The following KATNIP variants were observed in gnomAD, a reference collection of about 807,000 sequenced individuals.
The protein encoded by KATNIP is katanin-interacting protein.
In KATNIP, 126 loss-of-function variants were observed where a neutral mutation model predicts 174.0. The observed-to-expected ratio is 0.72, with a 90% CI of 0.63 to 0.84. The LOEUF is 0.84. Ranked by LOEUF, KATNIP falls within the 40% of genes least tolerant of loss-of-function variation. The pLI is 0.00. For synonymous variants in KATNIP, 810 were observed against 835.7 expected (o/e 0.97, Z 0.53); for missense variants, 1,958 against 2,109.7 (o/e 0.93, Z 1.41).
intron 2 of KATNIP, among the ~76,000 whole-genome samples, chr16:27,614,190 GA>G (rs1250693512): frequency 2.4e-4 from 36 of 151,908 alleles, no homozygotes; most frequent in Non-Finnish European, 8.8e-5. Flanking sequence ...CGATTCTCCT[GA>G]GTCTTGCTCT....
At chr16:27,664,344 A>G (rs905138725) in intron 6 of KATNIP, among the ~76,000 whole-genome samples, 3 of 152,208 alleles carry the variant, frequency 2.0e-5, no homozygotes, top group African/African-American at 7.2e-5. Context: ...TTTCAAAAGA[A>G]TAATCATTCT....
rs573914753 is a variant in KATNIP at position 27,681,521 on chromosome 16, A to T, written c.931A>T (p.Met311Leu). The T allele has an allele frequency of 3.2e-5, 51 of 1,614,030 alleles. No individual in the cohort carries two copies. The highest frequency in any genetic ancestry group is 4.4e-5 in the South Asian group (4 of 91,084). ...TGCTGTATTCCCAGACCAGGAGAGG[A>T]TGTGCTCCAGTAAGAGTTCCGGGGG... ...APAVFPDQER[M>L]CSRPGSRRER... Residue 311 changes from methionine (M) to leucine (L), a missense_variant, in exon 8 of 28, where the codon ATG (methionine) becomes TTG (leucine). By Grantham distance (15) the Met-to-Leu change is conservative. Coordinates refer to ENST00000261588, the MANE Select transcript of KATNIP (RefSeq NM_015202.5).
chr16:27,736,960 A>C (rs2080920786), intron 14 of KATNIP, among the ~76,000 whole-genome samples: 1 of 150,910 alleles, frequency 6.6e-6, no homozygotes, highest in Non-Finnish European at 1.5e-5. Context: ...GTGCCCACAT[A>C]CTGGATATGA....
At chr16:27,714,124 A>C (rs1163204579) in intron 13 of KATNIP, among the ~76,000 whole-genome samples, 1 of 151,840 alleles carries the variant, frequency 6.6e-6, no homozygotes, top group East Asian at 1.9e-4. Flanking sequence ...CTCCACATTC[A>C]GATTTCAGCC....
chr16:27,625,913 G>A (rs1382566788), intron 3 of KATNIP, among the ~76,000 whole-genome samples: 2 of 150,824 alleles, frequency 1.3e-5, no homozygotes, highest in African/African-American at 4.9e-5. Context: ...GCAGTGGCAT[G>A]ATCATGTCTC....
chr16:27,573,824 A>G (rs2090390300), intron 1 of KATNIP, 77 bp from the exon 2 acceptor site: 1 of 1,366,046 alleles, frequency 7.3e-7, no homozygotes. Context: ...TCAGTTTGCA[A>G]ATAAAAATCT....
At chr16:27,713,434 T>C (rs1266194761) in intron 13 of KATNIP, among the ~76,000 whole-genome samples, 1 of 151,942 alleles carries the variant, frequency 6.6e-6, no homozygotes, top group Non-Finnish European at 1.5e-5. Context: ...CAAGTGGAGA[T>C]AATTGAATCA....
At chr16:27,681,286 TTC>T (rs1369130744) in intron 7 of KATNIP, 111 bp from the exon 8 acceptor site, 4 of 1,370,586 alleles carry the variant, frequency 2.9e-6, no homozygotes, top group Admixed American at 1.7e-5. Flanking sequence ...CACAAAGTAG[TTC>T]CGTAGACATT....
chr16:27,757,583 G>A (rs1453384221), intron 18 of KATNIP: 5 of 938,336 alleles, frequency 5.3e-6, no homozygotes, highest in East Asian at 2.3e-4. Flanking sequence ...TGGCCCTGGA[G>A]TAGAGCTCAA....
At chr16:27,625,414 C>T (rs952926994) in intron 3 of KATNIP, among the ~76,000 whole-genome samples, 2 of 152,244 alleles carry the variant, frequency 1.3e-5, no homozygotes, top group African/African-American at 4.8e-5. Context: ...TGCCCCGCCA[C>T]AGGCCTCCCA....
rs61734902 is a variant in KATNIP, at chr16:27,749,719, C to T, written c.2759C>T (p.Pro920Leu). 0.068 allele frequency: 110,098 copies of T among 1,613,316 alleles called. 4,227 individuals are homozygous for T. Among genetic ancestry groups the T allele is most frequent in the Non-Finnish European group, 0.075 (88,484 of 1,179,638 alleles). Residue 920 changes from proline to leucine, a missense_variant, in exon 16 of 28, where the codon CCG (proline) becomes CTG (leucine). Physicochemically the swap from Pro to Leu is moderately conservative, Grantham distance 98. Around this residue, in one of 3 missense-constraint regions of KATNIP, gnomAD observed 1,557 missense variants for 1,617.8 expected, o/e 0.96. Coordinates refer to ENST00000261588, the MANE Select transcript of KATNIP (RefSeq NM_015202.5). ...HRGRISNTEL[P>L]GDILDELLQQ... is the part of the protein sequence containing the mutation. ...GGACGCATCTCCAACACGGAGCTCC[C>T]GGGGGACATCCTGGATGAGCTCCTG...
rs1031756327 is a variant in KATNIP at position 27,721,696 on chromosome 16, G to A, written c.1743+1G>A. ...TCGGAATTACTGGACAGCTGATGGC[G>A]TAAGTAACAGGCGCTGGTTCCCCAC... On this transcript the variant is annotated splice_donor_variant, in intron 14 of 27. Coordinates refer to ENST00000261588, the MANE Select transcript of KATNIP (RefSeq NM_015202.5). LOFTEE classifies it high-confidence loss of function. The A allele has an allele frequency of 1.2e-5, 19 of 1,613,356 alleles. No individual in the cohort carries two copies. The highest frequency in any genetic ancestry group is 1.4e-5 in the Non-Finnish European group (16 of 1,179,818).
chr16:27,683,924 G>C (rs2078434612), intron 8 of KATNIP, among the ~76,000 whole-genome samples: 1 of 152,144 alleles, frequency 6.6e-6, no homozygotes, highest in Non-Finnish European at 1.5e-5. Context: ...TCCAAAACAA[G>C]TTGGTAAAAA....
Position 27,631,104 on chromosome 16 carries a change from C to G in KATNIP, c.350C>G (p.Ala117Gly). The change falls in exon 5 of 28, where the codon GCC becomes GGC. Residue 117 changes from alanine to glycine, a missense_variant. Ala to Gly is a moderately conservative substitution (Grantham distance 60, BLOSUM62 0). Transcript: ENST00000261588. The part of the protein sequence containing the change: ...RRTLFREAEE[A>G]LRRSSRTAPS... Reference sequence around the variant, plus strand: ...ACTCTGTTTCGAGAAGCTGAAGAAGCCTTAAGACGCAGTTCACGGACAGCC... The same window carrying G: ...ACTCTGTTTCGAGAAGCTGAAGAAGGCTTAAGACGCAGTTCACGGACAGCC... The G allele has an allele frequency of 4.4e-6, 7 of 1,577,892 alleles. No homozygotes were observed. The highest frequency in any genetic ancestry group is 1.2e-5 in the South Asian group (1 of 86,164).
At chr16:27,602,277 AG>A (rs2075552505) in intron 2 of KATNIP, among the ~76,000 whole-genome samples, 2 of 152,236 alleles carry the variant, frequency 1.3e-5, no homozygotes, top group African/African-American at 4.8e-5. Context: ...TCCAGTTGAA[AG>A]GATGTCAGGT....
chr16:27,565,597 G>T (rs567949184), intron 1 of KATNIP, among the ~76,000 whole-genome samples: 1 of 152,126 alleles, frequency 6.6e-6, no homozygotes, highest in African/African-American at 2.4e-5. Flanking sequence ...CCCAGCGTGG[G>T]CAACATAGTG....
chr16:27,640,887 G>A (rs2076773978), intron 5 of KATNIP, among the ~76,000 whole-genome samples: 1 of 152,220 alleles, frequency 6.6e-6, no homozygotes, highest in Non-Finnish European at 1.5e-5. Context: ...TGTAATCCCA[G>A]CACTTTGGGG....
intron 6 of KATNIP, among the ~76,000 whole-genome samples, chr16:27,671,252 A>G (rs750055575): frequency 1.6e-4 from 25 of 152,224 alleles, no homozygotes; most frequent in Non-Finnish European, 2.8e-4. Flanking sequence ...TTCTATGCAT[A>G]TATGCATACC....
chr16:27,628,967 A>T, intron 4 of KATNIP, 137 bp downstream of exon 4: 2 of 836,850 alleles, frequency 2.4e-6, no homozygotes, highest in South Asian at 1.7e-5. Flanking sequence ...CAAGAGTTCC[A>T]GACCAGCCTG....
Sources: allele counts gnomAD v4.1 joint callset (sites outside exome capture counted in the v4.1 genomes callset), GRCh38; gene constraint gnomAD v4.1.1; regional missense constraint gnomAD v4.1.1; transcripts MANE v1.5; gene names NCBI Gene and HGNC (gene_info 2026-07-23, HGNC 2026-07-21).